The following VWA8 variants were observed in gnomAD, a reference collection of about 807,000 sequenced individuals.
The protein encoded by VWA8 is von Willebrand factor A domain-containing protein 8.
VWA8 carries 221 observed loss-of-function variants against 241.5 expected under a neutral mutation model. The observed-to-expected ratio is 0.91, with a 90% CI of 0.82 to 1.02. The LOEUF is 1.02. VWA8 is among the 50% of genes least tolerant of loss of function. The probability of loss-of-function intolerance (pLI) is 0.00; values close to 1 mark genes in which losing one functional copy is unlikely to be tolerated. For missense variants in VWA8, 2,322 were observed against 2,328.7 expected (o/e 1.00, Z 0.06); for synonymous variants, 852 against 827.1 (o/e 1.03, Z -0.52).
intron 4 of VWA8, among the ~76,000 whole-genome samples, chr13:41,894,648 A>G (rs1875012343): frequency 6.6e-6 from 1 of 152,210 alleles, no homozygotes. Context: ...GTATTTGTAT[A>G]TACTCAAATA....
intron 2 of VWA8, among the ~76,000 whole-genome samples, chr13:41,945,693 G>T (rs1436619410): frequency 6.6e-6 from 1 of 152,110 alleles, no homozygotes; most frequent in African/African-American, 2.4e-5. Flanking sequence ...CAAACTTGAA[G>T]ATTAGTCAGT....
At chr13:41,953,755 GC>G (rs1337369707) in intron 1 of VWA8, among the ~76,000 whole-genome samples, 2 of 152,166 alleles carry the variant, frequency 1.3e-5, no homozygotes, top group Non-Finnish European at 2.9e-5. Context: ...GTTGCAGTGA[GC>G]CGAGATAGCG....
Position 41,605,219 on chromosome 13 carries a change from A to T in VWA8, c.4935T>A (p.Gly1645=). The T allele has an allele frequency of 6.2e-7, 1 of 1,613,240 alleles. No individual in the cohort carries two copies. Among genetic ancestry groups the T allele is most frequent in the Non-Finnish European group, 8.5e-7 (1 of 1,179,380 alleles). The change falls in exon 40 of 45, where the codon GGT becomes GGA. Residue 1645 remains glycine, a synonymous_variant. Coordinates refer to ENST00000379310, the MANE Select transcript of VWA8 (RefSeq NM_015058.2). ...YDAATYERFS[G]AVRRQVHSLR... ...GGGAGTGCACCTGTCGCCGAACAGC[A>T]CCTGAAAACCTTTCATAGGTTGCAG...
intron 21 of VWA8, among the ~76,000 whole-genome samples, chr13:41,732,814 A>G (rs1486857931): frequency 6.6e-6 from 1 of 152,196 alleles, no homozygotes; most frequent in Non-Finnish European, 1.5e-5. Flanking sequence ...TCCTGATGTT[A>G]AGAACCTCCT....
intron 12 of VWA8, among the ~76,000 whole-genome samples, chr13:41,856,884 A>G (rs994867662): frequency 2.6e-5 from 4 of 151,748 alleles, no homozygotes; most frequent in Non-Finnish European, 5.9e-5. Flanking sequence ...CCTTCCCATT[A>G]TAATAGCATC....
At chr13:41,948,541 TAAACCAAA>T (rs1877969769) in intron 2 of VWA8, among the ~76,000 whole-genome samples, 1 of 152,132 alleles carries the variant, frequency 6.6e-6, no homozygotes, top group African/African-American at 2.4e-5. Context: ...AAAACTGTTA[TAAACCAAA>T]AACCATGATG....
At chr13:41,927,881 G>C (rs1876924586) in intron 2 of VWA8, among the ~76,000 whole-genome samples, 1 of 152,150 alleles carries the variant, frequency 6.6e-6, no homozygotes, top group Non-Finnish European at 1.5e-5. Flanking sequence ...GGACAGACAG[G>C]ACAAATGTAA....
rs531228931 is a variant in VWA8, at chr13:41,749,880, C to T, written c.2426+11248G>A. Among the ~76,000 whole-genome samples, 85 of 25,474 alleles carry T rather than the reference C, an allele frequency of 3.3e-3. 1 individual carries two copies. Among genetic ancestry groups the T allele is most frequent in the African/African-American group, 0.014 (78 of 5,682 alleles). The allele number at this position is 25,474 out of a possible 152,430, so 16.7% of individuals were successfully genotyped here. Reference sequence around the variant, plus strand: ...CACACTCCGGGGCCTGTTGTGGGGTCGGGGGAGGGAGGAGGGATAGCATTA... The same window carrying T: ...CACACTCCGGGGCCTGTTGTGGGGTTGGGGGAGGGAGGAGGGATAGCATTA... On this transcript the variant is annotated intron_variant, in intron 21 of 44. Transcript: ENST00000379310.
intron 17 of VWA8, among the ~76,000 whole-genome samples, chr13:41,804,719 CATAG>C (rs371052292): frequency 1.2e-3 from 186 of 152,102 alleles, no homozygotes; most frequent in African/African-American, 4.1e-3. Flanking sequence ...CTTCTCAAGA[CATAG>C]ATAGTACAAT....
Position 41,732,545 on chromosome 13 carries a change from A to T in VWA8, c.2427-390T>A, listed in dbSNP as rs983299292. 1.3e-4 allele frequency among the ~76,000 whole-genome samples: 20 copies of T among 151,572 alleles called. No homozygotes were observed. The South Asian group carries it at 3.7e-3, about 28-fold the overall frequency. On this transcript the variant is annotated intron_variant, in intron 21 of 44. Transcript: ENST00000379310. Reference sequence around the variant, plus strand: ...GTTGTTTAAATATAATTTTGATGGCAAGTTTGGTAATGATTGGCATGCTGA... The same window carrying T: ...GTTGTTTAAATATAATTTTGATGGCTAGTTTGGTAATGATTGGCATGCTGA...
chr13:41,925,211 A>C (rs1427359751), intron 2 of VWA8, among the ~76,000 whole-genome samples: 2 of 152,232 alleles, frequency 1.3e-5, no homozygotes, highest in Non-Finnish European at 2.9e-5. Flanking sequence ...CAGATAAGCA[A>C]AGACTGAGAG....
intron 43 of VWA8, among the ~76,000 whole-genome samples, chr13:41,573,824 G>C (rs919757332): frequency 7.2e-5 from 11 of 151,758 alleles, no homozygotes; most frequent in African/African-American, 2.7e-4. Flanking sequence ...ATTTCGCCAG[G>C]TTGGCCGGGC....
chr13:41,727,058 G>T, intron 24 of VWA8, 136 bp downstream of exon 24: 1 of 713,100 alleles, frequency 1.4e-6, no homozygotes, highest in Non-Finnish European at 2.2e-6. Context: ...ACTAAAAGGG[G>T]GATAATAAAT....
At chr13:41,793,042 C>G (rs1484451240) in intron 17 of VWA8, among the ~76,000 whole-genome samples, 2 of 152,002 alleles carry the variant, frequency 1.3e-5, no homozygotes, top group East Asian at 3.8e-4. Flanking sequence ...TTGTTTTGGT[C>G]CTAACTCTAA....
At chr13:41,894,071 C>T (rs1407112474) in intron 4 of VWA8, among the ~76,000 whole-genome samples, 1 of 152,130 alleles carries the variant, frequency 6.6e-6, no homozygotes, top group African/African-American at 2.4e-5. Flanking sequence ...CTAAATATTG[C>T]ATTTGACTTT....
At chr13:41,805,556 G>C (rs1362528949) in intron 17 of VWA8, among the ~76,000 whole-genome samples, 1 of 152,156 alleles carries the variant, frequency 6.6e-6, no homozygotes. Flanking sequence ...GCTCATGCCT[G>C]TAATCCCAGC....
chr13:41,623,927 G>T (rs1005592909), intron 37 of VWA8, among the ~76,000 whole-genome samples: 1 of 152,060 alleles, frequency 6.6e-6, no homozygotes, highest in African/African-American at 2.4e-5. Context: ...TGGCTAGCTA[G>T]ATTAATAAAG....
chr13:41,696,017 C>T lies in VWA8; in HGVS notation c.3565-3045G>A, dbSNP rs59029791. 112 of 152,118 alleles carry T rather than the reference C, an allele frequency of 7.4e-4. 1 individual carries two copies. Among genetic ancestry groups the T allele is most frequent in the African/African-American group, 2.6e-3 (109 of 41,492 alleles). 9.4% of individuals were successfully genotyped at this position (152,118 alleles called of 1,614,324 possible). A position where few individuals can be genotyped will look rare whatever the true frequency, so the allele number is the denominator to read the frequency against. ...AAAATAAATATTCCAAATGTAGTCT[C>T]ATCCAATTTTGACTGATTTACTAAA... On this transcript the variant is annotated intron_variant, in intron 29 of 44. Coordinates refer to ENST00000379310, the MANE Select transcript of VWA8 (RefSeq NM_015058.2).
In VWA8 at chr13:41,949,947, G is replaced by A. The variant is rs1348586650; in HGVS notation, c.230C>T (p.Pro77Leu). ...TAAATATTTCTTACTGTAGTTCTGTGGCACAAGTTCTGGATTCTTAGGAAT... is the reference window on the plus strand; with the variant it reads ...TAAATATTTCTTACTGTAGTTCTGTAGCACAAGTTCTGGATTCTTAGGAAT... ...LKIPKNPELV[P>L]QNYISDSLAQ... The change falls in exon 2 of 45, where the codon CCA becomes CTA. Residue 77 changes from proline to leucine, a missense_variant. Physicochemically the swap from Pro to Leu is moderately conservative, Grantham distance 98. Coordinates refer to ENST00000379310, the MANE Select transcript of VWA8 (RefSeq NM_015058.2). The A allele has an allele frequency of 6.3e-7, 1 of 1,583,916 alleles. No homozygotes were observed. The highest frequency in any genetic ancestry group is 8.6e-7 in the Non-Finnish European group (1 of 1,160,742).
Sources: gnomAD v4.1 joint callset for allele counts (sites outside exome capture counted in the v4.1 genomes callset) on GRCh38, gnomAD v4.1.1 for gene constraint, MANE v1.5 for transcripts, NCBI Gene and HGNC (gene_info 2026-07-23, HGNC 2026-07-21) for gene names.